Variants in KIAA1549 observed in about 807,000 individuals in gnomAD.
The protein encoded by KIAA1549 is UPF0606 protein KIAA1549.
In KIAA1549, 70 loss-of-function variants were observed where a neutral mutation model predicts 156.4. The ratio of observed to expected loss-of-function variants is 0.45; its 90% confidence interval spans 0.37 to 0.55. The LOEUF is 0.55. Ranked by LOEUF, KIAA1549 falls within the 20% of genes least tolerant of loss-of-function variation. The pLI is 0.00. For missense variants in KIAA1549, 2,428 were observed against 2,540.9 expected (o/e 0.96, Z 0.96); for synonymous variants, 1,103 against 1,066.4 (o/e 1.03, Z -0.67).
intron 16 of KIAA1549, among the ~76,000 whole-genome samples, chr7:138,852,857 C>A (rs1386375944): frequency 1.3e-5 from 2 of 152,214 alleles, no homozygotes; most frequent in Non-Finnish European, 2.9e-5. Context: ...TTACTGGTCC[C>A]CAGGAGACCC....
rs1809571179 is a variant in KIAA1549 at position 138,832,639 on chromosome 7, C to T, written c.*5267G>A. On this transcript the variant is annotated 3_prime_UTR_variant, in exon 20 of 20. Transcript: ENST00000422774. ...ATTAAGACATTCATTGCTTCTGTCA[C>T]TTTCTTACTGGCTCCTAACTTTGTT... 4.7e-6 allele frequency: 1 copy of T among 214,324 alleles called. No individual in the cohort carries two copies. The highest frequency in any genetic ancestry group is 9.4e-6 in the Non-Finnish European group (1 of 106,320). The allele number at this position is 214,324 out of a possible 1,614,324, so 13.3% of individuals were successfully genotyped here.
chr7:138,841,592 T>C (rs1809919807), intron 18 of KIAA1549, among the ~76,000 whole-genome samples: 1 of 152,236 alleles, frequency 6.6e-6, no homozygotes, highest in South Asian at 2.1e-4. Context: ...ATTTCTAAAT[T>C]TGGAAATTTC....
intron 2 of KIAA1549, among the ~76,000 whole-genome samples, chr7:138,912,965 C>G (rs1032747465): frequency 1.3e-5 from 2 of 152,192 alleles, no homozygotes; most frequent in South Asian, 4.1e-4. Flanking sequence ...AGCTCCGCCT[C>G]CCGGGTTCAC....
rs1812021580 is a variant in KIAA1549, at chr7:138,906,949, G to T, written c.3430C>A (p.Leu1144Met). Residue 1144 changes from leucine to methionine, a missense_variant, in exon 6 of 20, where the codon CTG becomes ATG. Leu to Met is a conservative substitution (Grantham distance 15). Coordinates refer to ENST00000422774, the MANE Select transcript of KIAA1549 (RefSeq NM_001164665.2). ...NLSVVEFSFY[L>M]GYPVLQIAEP... ...GCGATCTGCAGCACTGGGTATCCCA[G>T]ATAGAAACTGAACTCCACCACACTC... 6.2e-7 allele frequency: 1 copy of T among 1,610,654 alleles called. No homozygotes were observed. The highest frequency in any genetic ancestry group is 1.3e-5 in the African/African-American group (1 of 74,854).
In KIAA1549 at chr7:138,840,186, C is replaced by T. The variant is rs751078785; in HGVS notation, c.5545G>A (p.Gly1849Arg). 1.8e-5 allele frequency: 28 copies of T among 1,564,208 alleles called. No homozygotes were observed. In the South Asian group the frequency reaches 3.3e-4, roughly 18 times the overall value. The change falls in exon 19 of 20, where the codon GGG (glycine) becomes AGG (arginine). Residue 1849 changes from glycine to arginine, a missense_variant. Coordinates refer to ENST00000422774, the MANE Select transcript of KIAA1549 (RefSeq NM_001164665.2). ...EIPPSRGSQYGGPGWPSYGED... is the reference protein window; with the variant it reads ...EIPPSRGSQYRGPGWPSYGED... ...CCGTACGAAGGCCAGCCTGGCCCCC[C>T]ATACTGGCTGCCTCTGCTTGGCGGG... is the stretch of plus-strand genomic sequence containing the variant.
At chr7:138,933,899 G>GA (rs1463117857) in intron 1 of KIAA1549, among the ~76,000 whole-genome samples, 19 of 152,386 alleles carry the variant, frequency 1.2e-4, no homozygotes, top group African/African-American at 4.6e-4. Flanking sequence ...CCAGGAAGGG[G>GA]AGGTTGCAGT....
In KIAA1549 at chr7:138,911,169, T is replaced by G. The variant is rs751902110; in HGVS notation, c.3122A>C (p.Glu1041Ala). The G allele has an allele frequency of 9.4e-6, 15 of 1,597,560 alleles. No homozygotes were observed. Among genetic ancestry groups the G allele is most frequent in the Non-Finnish European group, 1.2e-5 (14 of 1,172,202 alleles). ...ACCTGTTTGAACTTGGAACCTGGAC[T>G]CTGGCACAAGGAAAGAAGGTTTCAC... ...LSVKPSFLVPESRFQVQTVLQ... is the reference protein window; with the variant it reads ...LSVKPSFLVPASRFQVQTVLQ... Residue 1041 changes from glutamate to alanine, a missense_variant, in exon 4 of 20, where the codon GAG (glutamate) becomes GCG (alanine). This residue lies in a region of KIAA1549 where 762 missense variants were observed against 901.6 expected (regional missense o/e 0.85). Coordinates refer to ENST00000422774, the MANE Select transcript of KIAA1549 (RefSeq NM_001164665.2).
At chr7:138,914,165 A>G (rs1053028143) in intron 2 of KIAA1549, among the ~76,000 whole-genome samples, 4 of 152,172 alleles carry the variant, frequency 2.6e-5, no homozygotes, top group Non-Finnish European at 5.9e-5. Context: ...CCACACAGCT[A>G]AAGACATCAT....
rs1018993176 is a variant in KIAA1549, at chr7:138,836,199, A to G, written c.*1707T>C. The G allele has an allele frequency of 1.5e-5, 3 of 206,278 alleles. No homozygotes were observed. The highest frequency in any genetic ancestry group is 3.8e-4 in the South Asian group (2 of 5,324). The allele number at this position is 206,278 out of a possible 1,614,324, so 12.8% of individuals were successfully genotyped here. ...TGCACACATCAGGATGTTTTGGTCA[A>G]TGACGGTCTACATATTGATGGTAGT... is the stretch of plus-strand genomic sequence containing the variant. On this transcript the variant is annotated 3_prime_UTR_variant, in exon 20 of 20. Coordinates refer to ENST00000422774, the MANE Select transcript of KIAA1549 (RefSeq NM_001164665.2).
At chr7:138,849,375 T>C (rs932904186) in intron 17 of KIAA1549, among the ~76,000 whole-genome samples, 1 of 152,072 alleles carries the variant, frequency 6.6e-6, no homozygotes, top group Non-Finnish European at 1.5e-5. Context: ...TTCCAATATA[T>C]GCATTTAAGG....
Position 138,972,594 on chromosome 7 carries a change from G to A in KIAA1549, c.187+8489C>T, listed in dbSNP as rs935393061. Among the ~76,000 whole-genome samples, 4 of 151,892 alleles carry A rather than the reference G, an allele frequency of 2.6e-5. No individual in the cohort carries two copies. In the East Asian group the frequency reaches 5.8e-4, roughly 22 times the overall value. The stretch of plus-strand genomic sequence containing the variant: ...ACACACTGGAACGTCAAGTGCTAGA[G>A]GACAAAAATCACACGGTGGGTTCCC... On this transcript the variant is annotated intron_variant, in intron 1 of 19. Coordinates refer to ENST00000422774, the MANE Select transcript of KIAA1549 (RefSeq NM_001164665.2).
At chr7:138,948,970 GC>G (rs1813413376) in intron 1 of KIAA1549, among the ~76,000 whole-genome samples, 3 of 152,066 alleles carry the variant, frequency 2.0e-5, no homozygotes, top group Non-Finnish European at 4.4e-5. Flanking sequence ...CTCCCAAAGT[GC>G]TGGGATTACA....
rs557323156 is a variant in KIAA1549, at chr7:138,874,775, G to A, written c.4346-3413C>T. ...TCCCAGCACTTTGATAGGCTGAGGC[G>A]GGAGGGTAACTTGAGCCCAGGAGTT... On this transcript the variant is annotated intron_variant, in intron 12 of 19. Transcript: ENST00000422774. Among the ~76,000 whole-genome samples the A allele has an allele frequency of 7.9e-5, 12 of 152,202 alleles. No individual in the cohort carries two copies. In the East Asian group the frequency reaches 1.4e-3, roughly 17 times the overall value.
chr7:138,974,822 T>A (rs1198644550), intron 1 of KIAA1549, among the ~76,000 whole-genome samples: 2 of 150,930 alleles, frequency 1.3e-5, no homozygotes, highest in Non-Finnish European at 2.9e-5. Context: ...AAATAAAATA[T>A]GGTTCTTGCA....
At chr7:138,897,892 CAAAAAAAAAAAAAAAAAAAAA>C (rs59242488) in intron 9 of KIAA1549, among the ~76,000 whole-genome samples, 1 of 27,478 alleles carries the variant, frequency 3.6e-5, no homozygotes, top group African/African-American at 1.1e-4. Context: ...GACCCTTTCT[CAAAAAAAAAAAAAAAAAAAAA>C]AAAAAAAAAA....
intron 1 of KIAA1549, among the ~76,000 whole-genome samples, chr7:138,923,217 A>C (rs1359970676): frequency 6.6e-6 from 1 of 152,268 alleles, no homozygotes; most frequent in Non-Finnish European, 1.5e-5. Context: ...TACCAAAAGA[A>C]GACCCACAGT....
rs763122304 is a variant in KIAA1549, at chr7:138,838,047, C to T, written c.5712G>A (p.Gln1904=). 4 of 1,602,322 alleles carry T rather than the reference C, an allele frequency of 2.5e-6. No homozygotes were observed. In the South Asian group the frequency reaches 4.5e-5, roughly 18 times the overall value. ...PSGNLPHRGL[Q]GPGLGYPTSS... ...TGGTGGGGTAACCCAGCCCAGGGCC[C>T]TGCAGTCCCCGGTGGGGGAGGTTCC... The change falls in exon 20 of 20, where the codon CAG becomes CAA. Residue 1904 remains glutamine (Q), a synonymous_variant. Coordinates refer to ENST00000422774, the MANE Select transcript of KIAA1549 (RefSeq NM_001164665.2).
At chr7:138,926,401 C>T (rs1208837874) in intron 1 of KIAA1549, among the ~76,000 whole-genome samples, 1 of 152,080 alleles carries the variant, frequency 6.6e-6, no homozygotes, top group Admixed American at 6.5e-5. Context: ...ACTTGTGCCT[C>T]AGCCTCCAGA....
In KIAA1549 at chr7:138,942,167, C is replaced by T. The variant is rs142626300; in HGVS notation, c.188-22729G>A. Among the ~76,000 whole-genome samples, 23 of 152,258 alleles carry T rather than the reference C, an allele frequency of 1.5e-4. No individual in the cohort carries two copies. In the East Asian group the frequency reaches 3.5e-3, roughly 23 times the overall value. On this transcript the variant is annotated intron_variant, in intron 1 of 19. Transcript: ENST00000422774. ...CAGTATTTGAACCCGGATCTATCCGCTGCCAAAACCCCTTGCTCTGGGCAC... is the reference window on the plus strand; with the variant it reads ...CAGTATTTGAACCCGGATCTATCCGTTGCCAAAACCCCTTGCTCTGGGCAC...
Sources: allele counts gnomAD v4.1 joint callset (sites outside exome capture counted in the v4.1 genomes callset), GRCh38; gene constraint gnomAD v4.1.1; regional missense constraint gnomAD v4.1.1; transcripts MANE v1.5; gene names NCBI Gene and HGNC (gene_info 2026-07-23, HGNC 2026-07-21).